The following QKI variants were observed in gnomAD, a reference collection of about 807,000 sequenced individuals.
QKI encodes the protein QKI, KH domain containing RNA binding.
Under a neutral mutation model 39.0 loss-of-function variants are expected in QKI, and 10 were observed. The ratio of observed to expected loss-of-function variants is 0.26; its 90% CI spans 0.16 to 0.43. QKI has a LOEUF of 0.43. QKI is among the 20% of genes least tolerant of loss of function. The pLI is 1.00. For missense variants in QKI, 218 were observed against 428.0 expected, an observed-to-expected ratio of 0.51 and a Z score of 4.33; for synonymous variants, 204 against 155.4, an observed-to-expected ratio of 1.31 and a Z score of -2.33.
chr6:163,493,026 C>G (rs1429741419), intron 3 of QKI, among the ~76,000 whole-genome samples: 1 of 152,060 alleles, frequency 6.6e-6, no homozygotes, highest in African/African-American at 2.4e-5. Context: ...TAATCTTCCC[C>G]ATTTAGCGCC....
intron 3 of QKI, among the ~76,000 whole-genome samples, chr6:163,504,601 A>T (rs550690230): frequency 1.3e-5 from 2 of 151,956 alleles, no homozygotes; most frequent in African/African-American, 4.8e-5. Flanking sequence ...ATGTATTTCT[A>T]GGTTTTGAGG....
rs902342562 is a variant in QKI at position 163,468,862 on chromosome 6, T to C, written c.286-9918T>C. On this transcript the variant is annotated intron_variant, in intron 2 of 7. Coordinates refer to ENST00000361752, the MANE Select transcript of QKI (RefSeq NM_006775.3). Reference sequence around the variant, plus strand: ...GAATTTTAATGCAAGGCAAACGATATTAACCTGGAAATTGGTTGCAGTAGA... The same window carrying C: ...GAATTTTAATGCAAGGCAAACGATACTAACCTGGAAATTGGTTGCAGTAGA... Among the ~76,000 whole-genome samples the C allele has an allele frequency of 3.3e-5, 5 of 152,092 alleles. No homozygotes were observed. In the East Asian group the frequency reaches 7.7e-4, roughly 23 times the overall value.
intron 2 of QKI, among the ~76,000 whole-genome samples, chr6:163,464,630 A>G (rs1791593117): frequency 6.6e-6 from 1 of 152,196 alleles, no homozygotes; most frequent in Non-Finnish European, 1.5e-5. Context: ...TATCAGGACC[A>G]CATCATGAAG....
chr6:163,430,266 G>T (rs188592634), intron 1 of QKI, among the ~76,000 whole-genome samples: 34 of 152,182 alleles, frequency 2.2e-4, no homozygotes, highest in Middle Eastern at 3.4e-3. Context: ...ACATTATAGA[G>T]TGATATATTA....
chr6:163,570,566 C>CT (rs565056784), intron 7 of QKI, 128 bp from the exon 8 acceptor site: 2,652 of 1,342,738 alleles, frequency 2.0e-3, no homozygotes, highest in South Asian at 5.2e-3. Flanking sequence ...ATTAAACATG[C>CT]TTTTTTTTTT....
intron 1 of QKI, among the ~76,000 whole-genome samples, chr6:163,426,057 C>T (rs1788378881): frequency 6.6e-6 from 1 of 152,090 alleles, no homozygotes; most frequent in African/African-American, 2.4e-5. Flanking sequence ...TTAACACTTC[C>T]TTACATAGTG....
intron 4 of QKI, among the ~76,000 whole-genome samples, chr6:163,548,742 A>G (rs1317166403): frequency 6.6e-6 from 1 of 152,206 alleles, no homozygotes; most frequent in Non-Finnish European, 1.5e-5. Context: ...GCACTACTGA[A>G]GAGTTTTAAG....
intron 1 of QKI, among the ~76,000 whole-genome samples, chr6:163,447,281 A>G (rs1790231542): frequency 7.0e-6 from 1 of 143,786 alleles, no homozygotes; most frequent in Non-Finnish European, 1.5e-5. Context: ...CTACATACAT[A>G]GAATGTGTAA....
At chr6:163,467,644 GT>G (rs1420176979) in intron 2 of QKI, among the ~76,000 whole-genome samples, 2 of 152,094 alleles carry the variant, frequency 1.3e-5, no homozygotes, top group African/African-American at 4.8e-5. Context: ...TTCCTGTAAT[GT>G]TAATTATATT....
intron 3 of QKI, among the ~76,000 whole-genome samples, chr6:163,494,933 T>G (rs1327061327): frequency 6.7e-6 from 1 of 150,248 alleles, no homozygotes; most frequent in African/African-American, 2.5e-5. Context: ...ATTTTTTTTT[T>G]GAGACAGAGT....
At position 163,576,679 on chromosome 6, in the gene QKI, T is replaced by G. The variant is rs1783992776; in HGVS notation, c.*5969T>G. 1 of 152,148 alleles carries G rather than the reference T, an allele frequency of 6.6e-6. No individual in the cohort carries two copies. Among genetic ancestry groups the G allele is most frequent in the South Asian group, 2.1e-4 (1 of 4,830 alleles). The allele number at this position is 152,148 out of a possible 1,614,324, so 9.4% of individuals were successfully genotyped here. A position where few individuals can be genotyped will look rare whatever the true frequency, so the allele number is the denominator to read the frequency against. On this transcript the variant is annotated 3_prime_UTR_variant, in exon 8 of 8. Coordinates refer to ENST00000361752, the MANE Select transcript of QKI (RefSeq NM_006775.3). ...CAATAAACCAACTGGAAAAAGTGCA[T>G]GTGCTTCATCCTCTCAAGCCAACTG...
At position 163,497,539 on chromosome 6, in the gene QKI, A is replaced by G. The variant is rs79623403; in HGVS notation, c.402+18643A>G. ...CTTTGGAGGAATTTGCTTTTACTGT[A>G]TAAGTAAGAATTTACTCAGGCAATT... On this transcript the variant is annotated intron_variant, in intron 3 of 7. Transcript: ENST00000361752. 4.4e-3 allele frequency among the ~76,000 whole-genome samples: 675 copies of G among 152,052 alleles called. 43 individuals carry two copies. In the East Asian group the frequency reaches 0.12, roughly 27 times the overall value.
chr6:163,516,595 A>C (rs377496645), intron 3 of QKI, among the ~76,000 whole-genome samples: 17 of 152,318 alleles, frequency 1.1e-4, no homozygotes, highest in African/African-American at 4.1e-4. Context: ...GCCCAGCCTA[A>C]AACTTCATTT....
At chr6:163,541,429 GC>G (rs1384377670) in intron 4 of QKI, among the ~76,000 whole-genome samples, 27 of 151,384 alleles carry the variant, frequency 1.8e-4, no homozygotes, top group African/African-American at 2.4e-4. Context: ...TGCAGTAGTT[GC>G]GTGTATATTC....
chr6:163,436,789 CAAAAAAAAAAAAAA>C (rs60899517), intron 1 of QKI, among the ~76,000 whole-genome samples: 1 of 89,438 alleles, frequency 1.1e-5, no homozygotes, highest in African/African-American at 4.4e-5. Context: ...GACTCCGTCT[CAAAAAAAAAAAAAA>C]AAAAAAAAAA....
At chr6:163,460,122 AGTC>A (rs907160639) in intron 2 of QKI, among the ~76,000 whole-genome samples, 3 of 152,244 alleles carry the variant, frequency 2.0e-5, no homozygotes, top group African/African-American at 7.2e-5. Context: ...TGATGATACT[AGTC>A]GTCCTGTTAA....
intron 3 of QKI, among the ~76,000 whole-genome samples, chr6:163,504,057 A>G (rs370725816): frequency 4.6e-5 from 7 of 151,990 alleles, no homozygotes; most frequent in African/African-American, 1.4e-4. Flanking sequence ...ATTTTTGTAT[A>G]TTGTGAAATT....
chr6:163,472,612 CA>C (rs1443427307), intron 2 of QKI, among the ~76,000 whole-genome samples: 1 of 152,052 alleles, frequency 6.6e-6, no homozygotes, highest in East Asian at 1.9e-4. Flanking sequence ...GGAATATTTA[CA>C]AAAATTGACC....
At chr6:163,526,755 T>C (rs59771042) in intron 3 of QKI, among the ~76,000 whole-genome samples, 1 of 152,196 alleles carries the variant, frequency 6.6e-6, no homozygotes, top group Non-Finnish European at 1.5e-5. Flanking sequence ...TGTTCAGAAT[T>C]GTTTCTGCAT....
Sources: gnomAD v4.1 joint callset for allele counts (sites outside exome capture counted in the v4.1 genomes callset) on GRCh38, gnomAD v4.1.1 for gene constraint, MANE v1.5 for transcripts, NCBI Gene and HGNC (gene_info 2026-07-23, HGNC 2026-07-21) for gene names.